GRXCR1: variants seen among roughly 807,000 people sequenced by gnomAD.
GRXCR1 encodes glutaredoxin domain-containing cysteine-rich protein 1.
A neutral mutation model predicts 27.3 loss-of-function variants in GRXCR1; 27 were observed. That is an observed-to-expected ratio of 0.99 (90% confidence interval 0.73 to 1.37). GRXCR1 has a LOEUF of 1.37. GRXCR1 is among the 40% of genes most tolerant of loss of function. GRXCR1 has a pLI of 0.00. For synonymous variants in GRXCR1, 122 were observed against 131.1 expected (o/e 0.93, Z 0.47); for missense variants, 379 against 354.4 (o/e 1.07, Z -0.56).
In GRXCR1 at chr4:42,946,854, A is replaced by G. The variant is rs16855139; in HGVS notation, c.385-16038A>G. 8.2e-3 allele frequency among the ~76,000 whole-genome samples: 1,249 copies of G among 152,260 alleles called. 5 individuals are homozygous for G. The highest frequency in any genetic ancestry group is 0.027 in the African/African-American group (1,141 of 41,554). On this transcript the variant is annotated intron_variant, in intron 1 of 3. Coordinates refer to ENST00000399770, the MANE Select transcript of GRXCR1 (RefSeq NM_001080476.3). Reference sequence around the variant, plus strand: ...AGTCATTTAGACCAAAGCAGTGTCTATGATCATGTTTCAGATATTCTATTA... The same window carrying G: ...AGTCATTTAGACCAAAGCAGTGTCTGTGATCATGTTTCAGATATTCTATTA...
intron 2 of GRXCR1, among the ~76,000 whole-genome samples, chr4:42,985,387 A>G (rs1577932437): frequency 6.6e-6 from 1 of 152,160 alleles, no homozygotes; most frequent in African/African-American, 2.4e-5. Flanking sequence ...ATAACCTGTA[A>G]CATTTTTTCA....
chr4:42,996,387 T>A (rs983965022), intron 2 of GRXCR1, among the ~76,000 whole-genome samples: 2 of 152,102 alleles, frequency 1.3e-5, no homozygotes, highest in Non-Finnish European at 2.9e-5. Flanking sequence ...AGCAAAGACA[T>A]AAATTTACTC....
At chr4:42,964,157 T>C (rs1748188181) in intron 2 of GRXCR1, among the ~76,000 whole-genome samples, 1 of 152,010 alleles carries the variant, frequency 6.6e-6, no homozygotes, top group Non-Finnish European at 1.5e-5. Context: ...TGATTTGAAG[T>C]ATTGATCCTC....
intron 1 of GRXCR1, among the ~76,000 whole-genome samples, chr4:42,897,585 A>G (rs1240562315): frequency 2.0e-5 from 3 of 152,104 alleles, no homozygotes; most frequent in Non-Finnish European, 2.9e-5. Context: ...GACAAATGAA[A>G]TAAAAGTAGT....
intron 1 of GRXCR1, among the ~76,000 whole-genome samples, chr4:42,945,982 A>G (rs908442797): frequency 6.6e-6 from 1 of 152,202 alleles, no homozygotes; most frequent in Non-Finnish European, 1.5e-5. Context: ...AGATAAGGGC[A>G]AGCAAAAGAG....
At chr4:42,953,852 G>A (rs1307621268) in intron 1 of GRXCR1, among the ~76,000 whole-genome samples, 1 of 151,904 alleles carries the variant, frequency 6.6e-6, no homozygotes, top group Non-Finnish European at 1.5e-5. Context: ...TGATTCATTA[G>A]TCTTCCTAAT....
intron 2 of GRXCR1, among the ~76,000 whole-genome samples, chr4:42,974,378 C>A (rs1024468967): frequency 6.6e-6 from 1 of 152,054 alleles, no homozygotes; most frequent in African/African-American, 2.4e-5. Flanking sequence ...GAAAACTGAA[C>A]AAGATTTCAT....
intron 2 of GRXCR1, among the ~76,000 whole-genome samples, chr4:42,966,451 T>C (rs900151661): frequency 2.8e-4 from 43 of 152,116 alleles, no homozygotes; most frequent in Non-Finnish European, 5.7e-4. Context: ...TATATATGTT[T>C]AAAGTACTGC....
At chr4:42,993,091 C>T (rs1051260473) in intron 2 of GRXCR1, among the ~76,000 whole-genome samples, 1 of 152,094 alleles carries the variant, frequency 6.6e-6, no homozygotes, top group Non-Finnish European at 1.5e-5. Flanking sequence ...TCCCCTCGTT[C>T]TCCCTCTGTT....
In GRXCR1 at chr4:42,924,627, T is replaced by C. The variant is rs1747103968; in HGVS notation, c.384+30977T>C. Among the ~76,000 whole-genome samples the C allele has an allele frequency of 2.0e-5, 3 of 152,182 alleles. No individual in the cohort carries two copies. The South Asian group carries it at 6.2e-4, about 32-fold the overall frequency. Reference sequence around the variant, plus strand: ...AAATGTTTGGAAGACCCATTATGAATGCTAGGAATGTTTCTGGGTGCTGTG... The same window carrying C: ...AAATGTTTGGAAGACCCATTATGAACGCTAGGAATGTTTCTGGGTGCTGTG... On this transcript the variant is annotated intron_variant, in intron 1 of 3. Coordinates refer to ENST00000399770, the MANE Select transcript of GRXCR1 (RefSeq NM_001080476.3).
chr4:42,965,133 C>T (rs1325786463), intron 2 of GRXCR1, among the ~76,000 whole-genome samples: 1 of 151,954 alleles, frequency 6.6e-6, no homozygotes, highest in African/African-American at 2.4e-5. Flanking sequence ...TGCTATTTGC[C>T]CTATAGTTTG....
chr4:42,903,651 A>G lies in GRXCR1; in HGVS notation c.384+10001A>G, dbSNP rs546493867. ...ATGGAATTTCCCTTTTCATACATTT[A>G]TATATGCCCCTTCCCATTTTTCTTT... On this transcript the variant is annotated intron_variant, in intron 1 of 3. Coordinates refer to ENST00000399770, the MANE Select transcript of GRXCR1 (RefSeq NM_001080476.3). Among the ~76,000 whole-genome samples, 7 of 148,002 alleles carry G rather than the reference A, an allele frequency of 4.7e-5. 1 individual carries two copies. In the South Asian group the frequency reaches 1.7e-3, roughly 35 times the overall value.
At chr4:42,949,118 G>T (rs1747816611) in intron 1 of GRXCR1, among the ~76,000 whole-genome samples, 1 of 152,016 alleles carries the variant, frequency 6.6e-6, no homozygotes, top group African/African-American at 2.4e-5. Context: ...CACTTTGGGA[G>T]GCTAAGGTGG....
At chr4:42,953,846 T>G (rs1274860304) in intron 1 of GRXCR1, among the ~76,000 whole-genome samples, 2 of 152,070 alleles carry the variant, frequency 1.3e-5, no homozygotes, top group East Asian at 1.9e-4. Flanking sequence ...AGTTCATGAT[T>G]CATTAGTCTT....
At chr4:42,931,173 G>C (rs1364325032) in intron 1 of GRXCR1, among the ~76,000 whole-genome samples, 2 of 151,840 alleles carry the variant, frequency 1.3e-5, no homozygotes, top group Non-Finnish European at 2.9e-5. Context: ...TAAACTTTCA[G>C]TAAGGCTGAA....
intron 2 of GRXCR1, among the ~76,000 whole-genome samples, chr4:43,009,808 T>C (rs541561542): frequency 1.7e-4 from 26 of 152,300 alleles, no homozygotes; most frequent in Non-Finnish European, 3.5e-4. Flanking sequence ...TTTGAACATA[T>C]GACTTTTGCT....
At chr4:42,905,160 G>A (rs1215341399) in intron 1 of GRXCR1, among the ~76,000 whole-genome samples, 1 of 152,120 alleles carries the variant, frequency 6.6e-6, no homozygotes, top group African/African-American at 2.4e-5. Flanking sequence ...CCCTACCTAG[G>A]CCTTTGCCTT....
At chr4:42,918,946 T>C (rs186867299) in intron 1 of GRXCR1, among the ~76,000 whole-genome samples, 1 of 152,100 alleles carries the variant, frequency 6.6e-6, no homozygotes, top group African/African-American at 2.4e-5. Context: ...AAAAGAGAGA[T>C]GGTCAAAACA....
intron 1 of GRXCR1, among the ~76,000 whole-genome samples, chr4:42,959,299 T>C (rs1436934567): frequency 1.3e-5 from 2 of 151,948 alleles, no homozygotes; most frequent in Admixed American, 1.3e-4. Flanking sequence ...GGGAATATTA[T>C]GCTAAGTGAA....
Sources: allele counts gnomAD v4.1 joint callset (sites outside exome capture counted in the v4.1 genomes callset), GRCh38; gene constraint gnomAD v4.1.1; transcripts MANE v1.5; gene names NCBI Gene and HGNC (gene_info 2026-07-23, HGNC 2026-07-21).